Variants in ADAMTSL3 observed in about 807,000 individuals in gnomAD.
ADAMTSL3 encodes the protein ADAMTS like 3.
In ADAMTSL3, 128 loss-of-function variants were observed where a neutral mutation model predicts 201.7. The observed-to-expected ratio is 0.63, with a 90% CI of 0.55 to 0.73. The LOEUF is 0.73. Among genes scored for constraint, ADAMTSL3 ranks in the 30% least tolerant of loss-of-function variants. The pLI, the probability that ADAMTSL3 is intolerant of heterozygous loss-of-function variation, is 0.00. For missense variants in ADAMTSL3, 1,990 were observed against 2,119.6 expected, an observed-to-expected ratio of 0.94 and a Z score of 1.20; for synonymous variants, 738 against 748.4, an observed-to-expected ratio of 0.99 and a Z score of 0.23.
At chr15:83,795,375 C>T (rs1352817015) in intron 4 of ADAMTSL3, among the ~76,000 whole-genome samples, 1 of 152,138 alleles carries the variant, frequency 6.6e-6, no homozygotes, top group Non-Finnish European at 1.5e-5. Flanking sequence ...CTAGTAAGTG[C>T]ATAACTGATT....
intron 15 of ADAMTSL3, among the ~76,000 whole-genome samples, chr15:83,906,121 T>G (rs2065827370): frequency 6.6e-6 from 1 of 152,228 alleles, no homozygotes. Flanking sequence ...CAGTACCATA[T>G]TATTTGAATT....
At chr15:83,900,223 A>C (rs1309498146) in intron 15 of ADAMTSL3, among the ~76,000 whole-genome samples, 1 of 152,202 alleles carries the variant, frequency 6.6e-6, no homozygotes, top group African/African-American at 2.4e-5. Flanking sequence ...AGACAAGTCT[A>C]ATTTTTCTGT....
chr15:83,878,036 C>T (rs1328446506), intron 9 of ADAMTSL3, among the ~76,000 whole-genome samples: 1 of 152,136 alleles, frequency 6.6e-6, no homozygotes, highest in Non-Finnish European at 1.5e-5. Flanking sequence ...TTTTGCATCT[C>T]ACTTCAGGAG....
In ADAMTSL3 at chr15:83,790,308, A is replaced by C. The variant is rs563844174; in HGVS notation, c.318-14342A>C. ...AGAAAACAACAAACCAATATATCTCATGAATATAGAAGTAAAAATTATTAA... is the reference window on the plus strand; with the variant it reads ...AGAAAACAACAAACCAATATATCTCCTGAATATAGAAGTAAAAATTATTAA... On this transcript the variant is annotated intron_variant, in intron 4 of 29. Coordinates refer to ENST00000286744, the MANE Select transcript of ADAMTSL3 (RefSeq NM_207517.3). 2.0e-5 allele frequency among the ~76,000 whole-genome samples: 3 copies of C among 149,816 alleles called. No individual in the cohort carries two copies. The East Asian group carries it at 5.9e-4, about 29-fold the overall frequency.
chr15:84,013,400 C>CA (rs1334022155), intron 23 of ADAMTSL3, among the ~76,000 whole-genome samples: 1 of 152,170 alleles, frequency 6.6e-6, no homozygotes, highest in African/African-American at 2.4e-5. Context: ...AAAACCATAC[C>CA]ATGGCTTCTC....
chr15:83,826,660 C>G (rs1036332637), intron 6 of ADAMTSL3, among the ~76,000 whole-genome samples: 2 of 123,740 alleles, frequency 1.6e-5, no homozygotes, highest in African/African-American at 5.6e-5. Flanking sequence ...TCCCTCCCCC[C>G]TCCCCCCACC....
chr15:83,756,988 C>T (rs2062732021), intron 3 of ADAMTSL3, among the ~76,000 whole-genome samples: 1 of 152,246 alleles, frequency 6.6e-6, no homozygotes, highest in African/African-American at 2.4e-5. Context: ...TCGGGCAGCT[C>T]TGTCCCTGTG....
intron 6 of ADAMTSL3, among the ~76,000 whole-genome samples, chr15:83,836,966 A>G (rs370361908): frequency 3.3e-5 from 5 of 152,192 alleles, no homozygotes; most frequent in Admixed American, 2.6e-4. Flanking sequence ...AGTTGATATT[A>G]TTGTTGTTTA....
chr15:83,699,947 A>C (rs1272251060), intron 2 of ADAMTSL3, among the ~76,000 whole-genome samples: 2 of 152,116 alleles, frequency 1.3e-5, no homozygotes, highest in African/African-American at 4.8e-5. Flanking sequence ...TAGAACTTAG[A>C]ATGTTAGTTT....
intron 3 of ADAMTSL3, among the ~76,000 whole-genome samples, chr15:83,768,393 TGGAG>T (rs2062925318): frequency 6.6e-6 from 1 of 151,940 alleles, no homozygotes; most frequent in South Asian, 2.1e-4. Context: ...AACGAAGGAA[TGGAG>T]GGAGGGAGAG....
Position 83,827,648 on chromosome 15 carries a change from T to G in ADAMTSL3, c.600+7601T>G, listed in dbSNP as rs565638645. Among the ~76,000 whole-genome samples the G allele has an allele frequency of 3.3e-5, 5 of 152,350 alleles. No homozygotes were observed. In the East Asian group the frequency reaches 5.8e-4, roughly 18 times the overall value. Reference sequence around the variant, plus strand: ...TCTAGGGTTTTTATGGTTTTAGGTCTAACATTTAAGTCTTTAATCCATCTT... The same window carrying G: ...TCTAGGGTTTTTATGGTTTTAGGTCGAACATTTAAGTCTTTAATCCATCTT... On this transcript the variant is annotated intron_variant, in intron 6 of 29. Coordinates refer to ENST00000286744, the MANE Select transcript of ADAMTSL3 (RefSeq NM_207517.3).
At position 83,942,992 on chromosome 15, in the gene ADAMTSL3, T is replaced by C; in HGVS notation, c.2400T>C (p.Asp800=). 1 of 1,614,108 alleles carries C rather than the reference T, an allele frequency of 6.2e-7. No homozygotes were observed. The change falls in exon 19 of 30, where the codon GAT becomes GAC. Residue 800 remains aspartate (D), a synonymous_variant. Transcript: ENST00000286744. The part of the protein sequence containing the change: ...LTDGSFLNLS[D]ELCQGPKASS... ...ATGGCAGCTTTTTGAATCTCTCAGA[T>C]GAATTGTGCCAAGGACCCAAGGCAT... is the stretch of plus-strand genomic sequence containing the variant.
chr15:83,834,796 G>A (rs1293120137), intron 6 of ADAMTSL3, among the ~76,000 whole-genome samples: 1 of 152,178 alleles, frequency 6.6e-6, no homozygotes, highest in African/African-American at 2.4e-5. Flanking sequence ...GTGTCTGGCA[G>A]TATAGAAAAT....
At chr15:83,855,657 A>C (rs1444247041) in intron 7 of ADAMTSL3, among the ~76,000 whole-genome samples, 1 of 152,192 alleles carries the variant, frequency 6.6e-6, no homozygotes, top group Non-Finnish European at 1.5e-5. Context: ...GCAGCTTAGC[A>C]TGCCACAAAG....
At chr15:83,674,736 C>CAT (rs1231624515) in intron 2 of ADAMTSL3, among the ~76,000 whole-genome samples, 2 of 130,494 alleles carry the variant, frequency 1.5e-5, no homozygotes, top group Admixed American at 8.2e-5. Flanking sequence ...CATATATACA[C>CAT]ACATATATAC....
chr15:84,015,448 G>A (rs950821736), intron 24 of ADAMTSL3, among the ~76,000 whole-genome samples: 1 of 152,302 alleles, frequency 6.6e-6, no homozygotes, highest in Non-Finnish European at 1.5e-5. Context: ...TAGCTGTCAT[G>A]CACAAAGCAT....
chr15:83,695,627 A>G (rs2061677549), intron 2 of ADAMTSL3, among the ~76,000 whole-genome samples: 1 of 152,220 alleles, frequency 6.6e-6, no homozygotes, highest in Non-Finnish European at 1.5e-5. Flanking sequence ...TTAAATGAAC[A>G]ATATTAGAAG....
At chr15:83,841,267 T>C (rs534333414) in intron 7 of ADAMTSL3, among the ~76,000 whole-genome samples, 1 of 152,232 alleles carries the variant, frequency 6.6e-6, no homozygotes, top group African/African-American at 2.4e-5. Flanking sequence ...ATTTGGATAA[T>C]GTCCTGCCTA....
intron 7 of ADAMTSL3, among the ~76,000 whole-genome samples, chr15:83,851,627 T>C (rs1043188985): frequency 1.6e-4 from 24 of 152,288 alleles, no homozygotes; most frequent in African/African-American, 5.8e-4. Flanking sequence ...GTATATGTGT[T>C]GTAAAAAAAA....
Sources: allele counts gnomAD v4.1 joint callset (sites outside exome capture counted in the v4.1 genomes callset), GRCh38; gene constraint gnomAD v4.1.1; transcripts MANE v1.5; gene names NCBI Gene and HGNC (gene_info 2026-07-23, HGNC 2026-07-21).